PRDM16: variants seen among roughly 807,000 people sequenced by gnomAD.
PRDM16 encodes the protein histone-lysine N-methyltransferase PRDM16.
Under a neutral mutation model 110.6 loss-of-function variants are expected in PRDM16, and 23 were observed. That is an observed-to-expected ratio of 0.21 (90% confidence interval 0.15 to 0.29). The LOEUF is 0.29. Among genes scored for constraint, PRDM16 ranks in the 10% least tolerant of loss-of-function variants. PRDM16 has a pLI of 1.00. For synonymous variants in PRDM16, 799 were observed against 781.8 expected, an observed-to-expected ratio of 1.02 and a Z score of -0.37; for missense variants, 1,615 against 1,794.3, an observed-to-expected ratio of 0.90 and a Z score of 1.81.
At chr1:3,198,576 A>G (rs763271319) in intron 2 of PRDM16, among the ~76,000 whole-genome samples, 22 of 152,142 alleles carry the variant, frequency 1.4e-4, no homozygotes, top group Non-Finnish European at 1.3e-4. Context: ...CGTGCTTTCC[A>G]GGGAGCTGGC....
At chr1:3,409,945 G>C (rs1356233964) in intron 8 of PRDM16, among the ~76,000 whole-genome samples, 1 of 122,040 alleles carries the variant, frequency 8.2e-6, no homozygotes, top group Non-Finnish European at 1.7e-5. Context: ...GTGTGGTGTG[G>C]GTGTGTGTGC....
intron 1 of PRDM16, among the ~76,000 whole-genome samples, chr1:3,119,374 G>A (rs1461257247): frequency 1.3e-5 from 2 of 152,256 alleles, no homozygotes; most frequent in African/African-American, 2.4e-5. Flanking sequence ...AGACACTGGC[G>A]TGGAAAGTCA....
chr1:3,137,027 A>G (rs1241237897), intron 1 of PRDM16, among the ~76,000 whole-genome samples: 2 of 152,112 alleles, frequency 1.3e-5, no homozygotes, highest in African/African-American at 2.4e-5. Context: ...CACCGGACAG[A>G]TGGGGTGGGT....
At chr1:3,096,036 T>G (rs1163123812) in intron 1 of PRDM16, among the ~76,000 whole-genome samples, 1 of 151,932 alleles carries the variant, frequency 6.6e-6, no homozygotes, top group Non-Finnish European at 1.5e-5. Flanking sequence ...TGCAAAGCCC[T>G]CGGGACCTGC....
chr1:3,132,346 G>A (rs1643352285), intron 1 of PRDM16, among the ~76,000 whole-genome samples: 1 of 152,230 alleles, frequency 6.6e-6, no homozygotes, highest in African/African-American at 2.4e-5. Flanking sequence ...CCTGCTGGGT[G>A]GAGGGTGGAT....
Position 3,180,909 on chromosome 1 carries a change from T to TAC in PRDM16, c.38-5213_38-5212dup, listed in dbSNP as rs1553140611. ...ACACACGGCCTCACACACGCAGTCTTACACGCAGCCTTACACACGCAGCCA... is the reference window on the plus strand; with the variant it reads ...ACACACGGCCTCACACACGCAGTCTTACACACGCAGCCTTACACACGCAGCCA... On this transcript the variant is annotated intron_variant, in intron 1 of 16. Coordinates refer to ENST00000270722, the MANE Select transcript of PRDM16 (RefSeq NM_022114.4). 2.1e-3 allele frequency among the ~76,000 whole-genome samples: 276 copies of TAC among 131,084 alleles called. 4 individuals carry two copies. The highest frequency in any genetic ancestry group is 5.9e-3 in the African/African-American group (216 of 36,752). 86.0% of individuals were successfully genotyped at this position (131,084 alleles called of 152,430 possible). A position where few individuals can be genotyped will look rare whatever the true frequency, so the allele number is the denominator to read the frequency against.
At chr1:3,155,561 G>A (rs969161184) in intron 1 of PRDM16, among the ~76,000 whole-genome samples, 1 of 152,228 alleles carries the variant, frequency 6.6e-6, no homozygotes, top group East Asian at 1.9e-4. Context: ...CCTTCCTCCC[G>A]ATACAGCAGC....
intron 1 of PRDM16, among the ~76,000 whole-genome samples, chr1:3,110,575 G>A (rs575115503): frequency 1.5e-4 from 23 of 152,368 alleles, no homozygotes; most frequent in African/African-American, 5.3e-4. Flanking sequence ...AGTGTCTGTG[G>A]CTCCCCCATG....
At chr1:3,263,535 C>T (rs1010103962) in intron 3 of PRDM16, among the ~76,000 whole-genome samples, 5 of 152,238 alleles carry the variant, frequency 3.3e-5, no homozygotes, top group African/African-American at 1.2e-4. Flanking sequence ...AGCCTGAATG[C>T]AGCCAACAGT....
At chr1:3,078,889 C>T (rs547885697) in intron 1 of PRDM16, among the ~76,000 whole-genome samples, 47 of 152,350 alleles carry the variant, frequency 3.1e-4, no homozygotes, top group African/African-American at 9.6e-4. Context: ...GAAAGGGGAA[C>T]GCATTGAAAA....
chr1:3,414,722 A>G (rs1328900210), intron 10 of PRDM16, 75 bp downstream of exon 10: 1 of 1,178,284 alleles, frequency 8.5e-7, no homozygotes, highest in Non-Finnish European at 1.2e-6. Flanking sequence ...GTCGAGGCTC[A>G]GTGGCCAGGC....
At chr1:3,325,314 T>C (rs1641863502) in intron 3 of PRDM16, among the ~76,000 whole-genome samples, 1 of 152,092 alleles carries the variant, frequency 6.6e-6, no homozygotes, top group Non-Finnish European at 1.5e-5. Flanking sequence ...GGCCCCAGGG[T>C]ACGCACAGCT....
rs1406425276 is a variant in PRDM16 at position 3,069,606 on chromosome 1, G to A, written c.37+310G>A. Among the ~76,000 whole-genome samples, 2 of 150,474 alleles carry A rather than the reference G, an allele frequency of 1.3e-5. No individual in the cohort carries two copies. Among genetic ancestry groups the A allele is most frequent in the Non-Finnish European group, 3.0e-5 (2 of 67,026 alleles). ...CCCGAGGCGCGCGGTGGGGGCCGGG[G>A]AGGGGGGCGGAGGGGGAGGGCCGGG... On this transcript the variant is annotated intron_variant, in intron 1 of 16. Transcript: ENST00000270722. This position sits in a 1 kb window ranked among gnomAD's most constrained non-coding sequence, Gnocchi z 6.1.
chr1:3,409,956 G>C (rs1281288240), intron 8 of PRDM16, among the ~76,000 whole-genome samples: 1 of 121,158 alleles, frequency 8.3e-6, no homozygotes, highest in Non-Finnish European at 1.7e-5. Flanking sequence ...GTGTGTGTGC[G>C]TGTGGGGGGT....
At chr1:3,084,252 G>A (rs1642098006) in intron 1 of PRDM16, among the ~76,000 whole-genome samples, 1 of 152,180 alleles carries the variant, frequency 6.6e-6, no homozygotes, top group Non-Finnish European at 1.5e-5. Context: ...AGGTTGGGCT[G>A]GAGCCCCCTG....
intron 2 of PRDM16, among the ~76,000 whole-genome samples, chr1:3,238,304 G>A (rs1639584639): frequency 6.6e-6 from 1 of 152,084 alleles, no homozygotes; most frequent in Non-Finnish European, 1.5e-5. Context: ...TTTCAGGACG[G>A]GCTCTCCAGA....
At chr1:3,197,512 G>A (rs937298567) in intron 2 of PRDM16, among the ~76,000 whole-genome samples, 2 of 152,252 alleles carry the variant, frequency 1.3e-5, no homozygotes, top group Non-Finnish European at 2.9e-5. Context: ...CCTGCAGTGC[G>A]GTCCCTGCAA....
intron 4 of PRDM16, among the ~76,000 whole-genome samples, chr1:3,387,069 G>A (rs6666433): frequency 0.039 from 5,881 of 152,238 alleles, 156 homozygotes; most frequent in Non-Finnish European, 0.059. Flanking sequence ...GGTCCAAAAG[G>A]AATGGACTGC....
At chr1:3,288,969 G>A (rs992142516) in intron 3 of PRDM16, among the ~76,000 whole-genome samples, 4 of 152,194 alleles carry the variant, frequency 2.6e-5, no homozygotes, top group African/African-American at 9.7e-5. Context: ...CCAGGGGCCT[G>A]CCATCCTTGC....
Sources: allele counts gnomAD v4.1 joint callset (sites outside exome capture counted in the v4.1 genomes callset), GRCh38; gene constraint gnomAD v4.1.1; non-coding constraint Gnocchi (gnomAD v3.1); transcripts MANE v1.5; gene names NCBI Gene and HGNC (gene_info 2026-07-23, HGNC 2026-07-21).